The following OC90 variants were observed in gnomAD, a reference collection of about 807,000 sequenced individuals.
OC90 encodes the protein otoconin 90.
In OC90, 46 loss-of-function variants were observed where a neutral mutation model predicts 47.3. The ratio of observed to expected loss-of-function variants is 0.97; its 90% confidence interval spans 0.77 to 1.24. OC90 has a LOEUF of 1.24. Among genes scored for constraint, OC90 ranks in the 50% most tolerant of loss-of-function variants. OC90 has a pLI of 0.00. For missense variants in OC90, 688 were observed against 583.9 expected, an observed-to-expected ratio of 1.18 and a Z score of -1.84; for synonymous variants, 271 against 219.5, an observed-to-expected ratio of 1.23 and a Z score of -2.07.
intron 8 of OC90, among the ~76,000 whole-genome samples, chr8:132,038,122 T>A (rs1267170449): frequency 2.0e-5 from 3 of 152,176 alleles, no homozygotes. Context: ...GTGTTGGGAC[T>A]GAGAGATCAT....
At chr8:132,051,079 A>G (rs190445841) in intron 2 of OC90, among the ~76,000 whole-genome samples, 7 of 152,320 alleles carry the variant, frequency 4.6e-5, no homozygotes, top group African/African-American at 9.6e-5. Context: ...TTCACACTGA[A>G]GAAGGGAAAA....
intron 13 of OC90, among the ~76,000 whole-genome samples, chr8:132,026,447 G>C (rs1822760343): frequency 6.6e-6 from 1 of 152,180 alleles, no homozygotes; most frequent in Non-Finnish European, 1.5e-5. Flanking sequence ...GACAAGAAGA[G>C]GAGGAAAATG....
At chr8:132,049,531 G>C (rs1256800336) in intron 2 of OC90, among the ~76,000 whole-genome samples, 1 of 152,180 alleles carries the variant, frequency 6.6e-6, no homozygotes, top group Non-Finnish European at 1.5e-5. Flanking sequence ...GAACAGGAAG[G>C]AGTGTTGATC....
At chr8:132,047,043 C>A (rs913214878) in intron 2 of OC90, among the ~76,000 whole-genome samples, 2 of 152,282 alleles carry the variant, frequency 1.3e-5, no homozygotes, top group South Asian at 4.2e-4. Context: ...GCCACAGATA[C>A]CAGCAGGAAA....
chr8:132,048,196 T>A (rs764785253), intron 2 of OC90, among the ~76,000 whole-genome samples: 1 of 152,236 alleles, frequency 6.6e-6, no homozygotes, highest in Non-Finnish European at 1.5e-5. Flanking sequence ...GATTTTGTTA[T>A]AACAGCATGG....
intron 2 of OC90, among the ~76,000 whole-genome samples, chr8:132,050,173 G>A (rs1220508149): frequency 7.4e-6 from 1 of 136,036 alleles, no homozygotes; most frequent in South Asian, 2.6e-4. Context: ...GGGTCAACAG[G>A]AGCAAAAGCT....
chr8:132,047,552 C>A (rs1027371905), intron 2 of OC90, among the ~76,000 whole-genome samples: 4 of 151,998 alleles, frequency 2.6e-5, no homozygotes, highest in Admixed American at 2.6e-4. Flanking sequence ...AGTTTGTATG[C>A]ACATAATAGC....
At chr8:132,053,170 A>G (rs571028194) in intron 2 of OC90, among the ~76,000 whole-genome samples, 22 of 152,168 alleles carry the variant, frequency 1.4e-4, no homozygotes, top group South Asian at 1.0e-3. Context: ...CTGACCCCCA[A>G]TCTGGCCTGG....
intron 2 of OC90, among the ~76,000 whole-genome samples, chr8:132,053,575 T>C (rs948670419): frequency 3.3e-5 from 5 of 152,230 alleles, no homozygotes; most frequent in Admixed American, 2.6e-4. Context: ...CATGGTATTA[T>C]GTATTCTACC....
At chr8:132,030,166 G>A (rs770130891) in intron 12 of OC90, among the ~76,000 whole-genome samples, 4 of 152,158 alleles carry the variant, frequency 2.6e-5, no homozygotes, top group African/African-American at 4.8e-5. Context: ...GATGGGTGGG[G>A]ATGGATACTT....
intron 9 of OC90, among the ~76,000 whole-genome samples, 186 bp from the exon 10 acceptor site, chr8:132,035,020 G>A (rs1168590916): frequency 6.6e-6 from 1 of 152,198 alleles, no homozygotes; most frequent in East Asian, 1.9e-4. Context: ...GAGCCAAAGG[G>A]AACCCCCCAG....
intron 9 of OC90, among the ~76,000 whole-genome samples, chr8:132,036,784 TC>T (rs1822971191): frequency 6.6e-6 from 1 of 152,252 alleles, no homozygotes; most frequent in South Asian, 2.1e-4. Context: ...CATCTCTGAA[TC>T]TCGATCACCT....
chr8:132,028,928 G>GGGAA, intron 13 of OC90, 145 bp downstream of exon 13: 3 of 489,872 alleles, frequency 6.1e-6, no homozygotes. Context: ...AAGGAAGGAA[G>GGGAA]GGAAGGAAGG....
chr8:132,024,525 T>G lies in OC90; in HGVS notation c.1390A>C (p.Lys464Gln), dbSNP rs760221166. The G allele has an allele frequency of 3.1e-6, 5 of 1,593,514 alleles. No homozygotes were observed. The highest frequency in any genetic ancestry group is 1.3e-5 in the African/African-American group (1 of 74,314). ...DLGRAKRFLR[K>Q]SLGPLGIGPL... Reference sequence around the variant, plus strand: ...CCGATCCCCAAGGGACCCAGTGACTTCCGCAGAAACCTCTTGGCTCTGCCG... The same window carrying G: ...CCGATCCCCAAGGGACCCAGTGACTGCCGCAGAAACCTCTTGGCTCTGCCG... Residue 464 changes from lysine (K) to glutamine (Q), a missense_variant, in exon 14 of 14, where the codon AAG (lysine) becomes CAG (glutamine). Transcript: ENST00000254627.
chr8:132,037,338 G>GAT, intron 9 of OC90, 100 bp downstream of exon 9: 1 of 979,324 alleles, frequency 1.0e-6, no homozygotes, highest in Non-Finnish European at 1.6e-6. Flanking sequence ...CTGTTCTTGT[G>GAT]ATAGTGAGTT....
Position 132,041,060 on chromosome 8 carries a change from G to A in OC90, c.441C>T (p.Ser147=). The A allele has an allele frequency of 6.2e-7, 1 of 1,600,864 alleles. No individual in the cohort carries two copies. Among genetic ancestry groups the A allele is most frequent in the Non-Finnish European group, 8.6e-7 (1 of 1,167,898 alleles). ...GATGCTTACCACATATGATCTTCTT[G>A]CTGACACAATTGACCTCTGTGCTAA... The part of the protein sequence containing the change: ...AKLSTEVNCV[S]KKIICESKDN... Residue 147 remains serine, a synonymous_variant, in exon 6 of 14, where the codon AGC becomes AGT. Coordinates refer to ENST00000254627, the MANE Select transcript of OC90 (RefSeq NM_001080399.3).
intron 1 of OC90, among the ~76,000 whole-genome samples, chr8:132,056,745 G>A (rs940995205): frequency 6.6e-6 from 1 of 152,156 alleles, no homozygotes; most frequent in Non-Finnish European, 1.5e-5. Context: ...AAGTCTTGTG[G>A]TTAGCAGAAG....
At chr8:132,044,517 A>G in intron 3 of OC90, 28 bp from the exon 4 acceptor site, 1 of 1,350,784 alleles carries the variant, frequency 7.4e-7, no homozygotes, top group Non-Finnish European at 1.0e-6. Flanking sequence ...AACAAATGAG[A>G]GTCTTGGTTT....
chr8:132,051,461 A>G (rs1339348121), intron 2 of OC90, among the ~76,000 whole-genome samples: 1 of 152,242 alleles, frequency 6.6e-6, no homozygotes, highest in Non-Finnish European at 1.5e-5. Flanking sequence ...GCACAGAAGA[A>G]AAAGCATGGG....
Sources: allele counts gnomAD v4.1 joint callset (sites outside exome capture counted in the v4.1 genomes callset), GRCh38; gene constraint gnomAD v4.1.1; transcripts MANE v1.5; gene names NCBI Gene and HGNC (gene_info 2026-07-23, HGNC 2026-07-21).